NOL4: variants seen among roughly 807,000 people sequenced by gnomAD.
NOL4 encodes cancer/testis antigen 125.
In NOL4, 17 loss-of-function variants were observed where a neutral mutation model predicts 75.9. The observed-to-expected ratio is 0.22, with a 90% CI of 0.15 to 0.34. NOL4 has a LOEUF of 0.34. Ranked by LOEUF, NOL4 falls within the 10% of genes least tolerant of loss-of-function variation. The probability of loss-of-function intolerance (pLI) is 1.00; values close to 1 mark genes in which losing one functional copy is unlikely to be tolerated. For missense variants in NOL4, 614 were observed against 793.5 expected, an observed-to-expected ratio of 0.77 and a Z score of 2.72; for synonymous variants, 292 against 289.9, an observed-to-expected ratio of 1.01 and a Z score of -0.07.
chr18:34,147,047 G>C (rs776373703), intron 1 of NOL4, among the ~76,000 whole-genome samples: 2 of 152,122 alleles, frequency 1.3e-5, no homozygotes, highest in African/African-American at 2.4e-5. Context: ...AGGAATGCTT[G>C]TGATTTTTGC....
At position 33,852,827 on chromosome 18, in the gene NOL4, T is replaced by C. The variant is rs200702774; in HGVS notation, c.*15A>G. 1.2e-4 allele frequency: 192 copies of C among 1,603,850 alleles called. 2 individuals carry two copies. The African/African-American group carries it at 2.4e-3, about 20-fold the overall frequency. ...CTGCAAATTTAGACCTCAGTGAATA[T>C]GGTGGTCGTCTGTCTCAGTTCTGTT... On this transcript the variant is annotated 3_prime_UTR_variant, in exon 11 of 11. Coordinates refer to ENST00000261592, the MANE Select transcript of NOL4 (RefSeq NM_003787.5).
intron 9 of NOL4, among the ~76,000 whole-genome samples, chr18:33,921,335 G>C (rs565048005): frequency 6.6e-6 from 1 of 152,254 alleles, no homozygotes; most frequent in African/African-American, 2.4e-5. Context: ...TGTTGGGATA[G>C]GTGGATAGAT....
Position 34,123,539 on chromosome 18 carries a change from A to ATATATATATATATATATATATGGTTCTC in NOL4, c.414+6304_414+6331dup, listed in dbSNP as rs1351769597. Among the ~76,000 whole-genome samples the ATATATATATATATATATATATGGTTCTC allele has an allele frequency of 1.7e-4, 24 of 139,266 alleles. No individual in the cohort carries two copies. In the South Asian group the frequency reaches 3.6e-3, roughly 21 times the overall value. 91.4% of individuals were successfully genotyped at this position (139,266 alleles called of 152,430 possible). ...CATTATATATGTGATAACCATATAT[A>ATATATATATATATATATATATGGTTCTC]TATATATATATATATATATATGGTT... is the stretch of plus-strand genomic sequence containing the variant. On this transcript the variant is annotated intron_variant, in intron 2 of 10. Transcript: ENST00000261592.
chr18:33,936,191 C>T lies in NOL4; in HGVS notation c.1542+6874G>A, dbSNP rs191885697. Among the ~76,000 whole-genome samples the T allele has an allele frequency of 3.3e-5, 5 of 152,196 alleles. No individual in the cohort carries two copies. In the East Asian group the frequency reaches 9.7e-4, roughly 30 times the overall value. On this transcript the variant is annotated intron_variant, in intron 9 of 10. Transcript: ENST00000261592. ...CATATTAAAATTGCCCCCACGCTTA[C>T]GTGGCTACATTTTCAACCTTTGCAC...
intron 10 of NOL4, among the ~76,000 whole-genome samples, chr18:33,863,057 G>A (rs1381056222): frequency 1.3e-5 from 2 of 152,164 alleles, no homozygotes; most frequent in Admixed American, 1.3e-4. Flanking sequence ...TTAAGAAAAT[G>A]TGGCACATAT....
At chr18:33,966,036 A>G (rs2145822008) in intron 6 of NOL4, among the ~76,000 whole-genome samples, 1 of 152,200 alleles carries the variant, frequency 6.6e-6, no homozygotes, top group South Asian at 2.1e-4. Flanking sequence ...AAATGTTGTG[A>G]TTGATTTTAT....
At position 34,043,306 on chromosome 18, in the gene NOL4, A is replaced by G. The variant is rs185215523; in HGVS notation, c.773-23705T>C. Reference sequence around the variant, plus strand: ...TATGCATGTATAGATGGATGAATGGATAATCTTTTGCATCCTAAGACAGTA... The same window carrying G: ...TATGCATGTATAGATGGATGAATGGGTAATCTTTTGCATCCTAAGACAGTA... On this transcript the variant is annotated intron_variant, in intron 5 of 10. Coordinates refer to ENST00000261592, the MANE Select transcript of NOL4 (RefSeq NM_003787.5). 1.2e-4 allele frequency among the ~76,000 whole-genome samples: 18 copies of G among 152,208 alleles called. No homozygotes were observed. The East Asian group carries it at 3.5e-3, about 29-fold the overall frequency.
At chr18:34,151,555 G>C (rs146218460) in intron 1 of NOL4, among the ~76,000 whole-genome samples, 119 of 151,860 alleles carry the variant, frequency 7.8e-4, no homozygotes, top group African/African-American at 2.6e-3. Context: ...TTATGGGAAG[G>C]GGGGGATTAA....
In NOL4 at chr18:33,884,901, T is replaced by A. The variant is rs762205747; in HGVS notation, c.1543-1477A>T. On this transcript the variant is annotated intron_variant, in intron 9 of 10. Transcript: ENST00000261592. ...CGTGACTATCAGCATAACACAGTTA[T>A]GGCTTTGCTCTTGTTCATCAAACTG... 1.4e-4 allele frequency among the ~76,000 whole-genome samples: 21 copies of A among 152,244 alleles called. 1 individual carries two copies. In the Middle Eastern group the frequency reaches 0.01, roughly 74 times the overall value.
At chr18:34,030,019 G>A (rs1182983840) in intron 5 of NOL4, among the ~76,000 whole-genome samples, 2 of 152,118 alleles carry the variant, frequency 1.3e-5, no homozygotes, top group African/African-American at 2.4e-5. Flanking sequence ...TAAGTAGTGG[G>A]AAATGTACTA....
At chr18:34,105,199 C>T in intron 2 of NOL4, 39 bp from the exon 3 acceptor site, 1 of 1,254,268 alleles carries the variant, frequency 8.0e-7, no homozygotes, top group Non-Finnish European at 1.2e-6. Flanking sequence ...ATTATATAAG[C>T]TCACTGAGCA....
In NOL4 at chr18:34,169,196, T is replaced by C. The variant is rs145407937; in HGVS notation, c.265-39176A>G. On this transcript the variant is annotated intron_variant, in intron 1 of 10. Coordinates refer to ENST00000261592, the MANE Select transcript of NOL4 (RefSeq NM_003787.5). ...TATTTTCTATAAATCACTTTAAATATAATTGATATCTGAACAAAATAACAG... is the reference window on the plus strand; with the variant it reads ...TATTTTCTATAAATCACTTTAAATACAATTGATATCTGAACAAAATAACAG... Among the ~76,000 whole-genome samples, 1,336 of 152,066 alleles carry C rather than the reference T, an allele frequency of 8.8e-3. 20 individuals are homozygous for C. Among genetic ancestry groups the C allele is most frequent in the African/African-American group, 0.03 (1,242 of 41,540 alleles).
At chr18:34,172,055 T>C (rs2033098194) in intron 1 of NOL4, among the ~76,000 whole-genome samples, 1 of 152,110 alleles carries the variant, frequency 6.6e-6, no homozygotes. Flanking sequence ...ACTTAACTTG[T>C]AGTTCTGGAG....
chr18:33,975,641 G>T (rs1329710857), intron 6 of NOL4, among the ~76,000 whole-genome samples: 2 of 152,324 alleles, frequency 1.3e-5, no homozygotes, highest in South Asian at 2.1e-4. Context: ...CAGGCATGGT[G>T]GCGGGTACCT....
chr18:34,221,319 A>G (rs774305110), intron 1 of NOL4: 1 of 152,246 alleles, frequency 6.6e-6, no homozygotes, highest in Non-Finnish European at 1.5e-5. Context: ...TGTCCAAAGG[A>G]AAATGCATGT....
chr18:33,896,354 G>A (rs899738089), intron 9 of NOL4, among the ~76,000 whole-genome samples: 1 of 151,882 alleles, frequency 6.6e-6, no homozygotes, highest in Admixed American at 6.6e-5. Context: ...GAACAAAGCT[G>A]GAGGCATCAG....
At chr18:34,056,386 A>G (rs2076834868) in intron 5 of NOL4, among the ~76,000 whole-genome samples, 1 of 152,072 alleles carries the variant, frequency 6.6e-6, no homozygotes, top group Non-Finnish European at 1.5e-5. Flanking sequence ...TACTTCTCTC[A>G]AATTCCCTAA....
chr18:34,107,518 G>T (rs948153914), intron 2 of NOL4, among the ~76,000 whole-genome samples: 1 of 151,748 alleles, frequency 6.6e-6, no homozygotes, highest in Non-Finnish European at 1.5e-5. Flanking sequence ...ACCTGCCATG[G>T]CATTCCACTC....
At chr18:33,909,606 C>A (rs1187525103) in intron 9 of NOL4, among the ~76,000 whole-genome samples, 1 of 152,040 alleles carries the variant, frequency 6.6e-6, no homozygotes, top group Non-Finnish European at 1.5e-5. Flanking sequence ...CATAATCAAC[C>A]GTCCCCTTTT....
Sources: allele counts gnomAD v4.1 joint callset (sites outside exome capture counted in the v4.1 genomes callset), GRCh38; gene constraint gnomAD v4.1.1; transcripts MANE v1.5; gene names NCBI Gene and HGNC (gene_info 2026-07-23, HGNC 2026-07-21).